ABCD4: variants seen among roughly 807,000 people sequenced by gnomAD.
The protein encoded by ABCD4 is lysosomal cobalamin transporter ABCD4.
In ABCD4, 53 loss-of-function variants were observed where a neutral mutation model predicts 86.3. That is an observed-to-expected ratio of 0.61 (90% CI 0.49 to 0.77). The LOEUF (loss-of-function observed/expected upper bound fraction) is 0.77, where lower values mean the gene tolerates loss of function less well. Ranked by LOEUF, ABCD4 falls within the 30% of genes least tolerant of loss-of-function variation. The pLI is 0.00. For synonymous variants in ABCD4, 328 were observed against 313.6 expected, an observed-to-expected ratio of 1.05 and a Z score of -0.49; for missense variants, 757 against 764.5, an observed-to-expected ratio of 0.99 and a Z score of 0.12.
intron 18 of ABCD4, 54 bp downstream of exon 18, chr14:74,286,647 G>C (rs761340065): frequency 1.9e-6 from 3 of 1,613,052 alleles, no homozygotes; most frequent in Non-Finnish European, 2.5e-6. Flanking sequence ...CCCTGGCCAG[G>C]CTGAGCCTTT....
chr14:74,289,198 G>A, intron 14 of ABCD4: 3 of 1,285,382 alleles, frequency 2.3e-6, no homozygotes, highest in Non-Finnish European at 2.9e-6. Context: ...GCTGGGCGAA[G>A]GCTTTGAAAC....
At chr14:74,301,665 G>A (rs1391513551) in intron 1 of ABCD4, among the ~76,000 whole-genome samples, 1 of 145,168 alleles carries the variant, frequency 6.9e-6, no homozygotes, top group African/African-American at 2.6e-5. Flanking sequence ...CCTGCACTTC[G>A]GGAGGCCGAG....
chr14:74,297,606 T>G (rs1193902503), intron 4 of ABCD4: 2 of 578,980 alleles, frequency 3.5e-6, no homozygotes, highest in African/African-American at 4.0e-5. Context: ...TTGCCCAGGC[T>G]AGAGTACAGT....
intron 13 of ABCD4, 135 bp from the exon 14 acceptor site, chr14:74,289,654 G>A (rs2080915390): frequency 6.8e-7 from 1 of 1,479,800 alleles, no homozygotes. Context: ...GGGTCAGATG[G>A]GAGAGGCTCT....
chr14:74,288,357 C>T (rs1010676686), intron 15 of ABCD4, 98 bp from the exon 16 acceptor site: 16 of 1,212,930 alleles, frequency 1.3e-5, no homozygotes, highest in South Asian at 9.8e-5. Context: ...ACACACACAC[C>T]TCTAAGACAA....
In ABCD4 at chr14:74,302,933, C is replaced by G. The variant is rs940574037; in HGVS notation, c.-21G>C. The G allele has an allele frequency of 1.9e-6, 3 of 1,606,720 alleles. No homozygotes were observed. The African/African-American group carries it at 4.0e-5, about 22-fold the overall frequency. ...GCCATGACCTGAGACCCGAGGGACT[C>G]TGGAGCCCAGCTGCCCCTAGTTCAG... On this transcript the variant is annotated 5_prime_UTR_variant, in exon 1 of 19. Transcript: ENST00000356924.
intron 11 of ABCD4, among the ~76,000 whole-genome samples, chr14:74,290,704 T>A (rs2081274519): frequency 6.8e-6 from 1 of 146,344 alleles, no homozygotes; most frequent in Non-Finnish European, 1.5e-5. Flanking sequence ...TTTTTTTTTT[T>A]GAGAGAAAGT....
At chr14:74,291,407 A>C (rs1484010093) in intron 11 of ABCD4, among the ~76,000 whole-genome samples, 2 of 152,202 alleles carry the variant, frequency 1.3e-5, no homozygotes, top group Admixed American at 1.3e-4. Flanking sequence ...GTGGCTAAGT[A>C]ACTGCCCAGG....
chr14:74,288,272 CAG>C lies in ABCD4; in HGVS notation c.1507-15_1507-14del. Reference sequence around the variant, plus strand: ...CCACCAAGTTGGACTGTAACAGACCCAGAGGGCAGGATGTCCATGAAATGGCC... The same window carrying C: ...CCACCAAGTTGGACTGTAACAGACCCAGGGCAGGATGTCCATGAAATGGCC... On this transcript the variant is annotated splice_polypyrimidine_tract_variant and intron_variant, in intron 15 of 18. Transcript: ENST00000356924. 6.2e-7 allele frequency: 1 copy of C among 1,603,676 alleles called. No individual in the cohort carries two copies. Among genetic ancestry groups the C allele is most frequent in the Non-Finnish European group, 8.5e-7 (1 of 1,174,826 alleles).
chr14:74,288,029 C>G, intron 16 of ABCD4, 143 bp from the exon 17 acceptor site: 4 of 1,041,426 alleles, frequency 3.8e-6, no homozygotes, highest in Non-Finnish European at 4.3e-6. Flanking sequence ...GACCATAGGC[C>G]TACAGCCCTC....
intron 16 of ABCD4, 126 bp from the exon 17 acceptor site, chr14:74,288,012 CCCTTT>C: frequency 2.7e-6 from 3 of 1,091,280 alleles, no homozygotes; most frequent in Non-Finnish European, 4.1e-6. Flanking sequence ...GAAGCCCCTT[CCCTTT>C]CGACCATAGG....
At chr14:74,296,482 G>C in intron 4 of ABCD4, 33 bp from the exon 5 acceptor site, 2 of 1,595,460 alleles carry the variant, frequency 1.3e-6, no homozygotes, top group Non-Finnish European at 1.7e-6. Context: ...GCTGGACCCA[G>C]GGAGATGGGC....
Position 74,292,580 on chromosome 14 carries a change from C to G in ABCD4, c.999G>C (p.Thr333=), listed in dbSNP as rs545199551. The change falls in exon 10 of 19, where the codon ACG becomes ACC. Residue 333 remains threonine, a synonymous_variant. Transcript: ENST00000356924. ...CFTQLIDLST[T]LSDVAGYTHR... ...GCGTGTAGCCAGCCACATCTGAGAGCGTCGTGGACAGGTCGATGAGCTGGG... is the reference window on the plus strand; with the variant it reads ...GCGTGTAGCCAGCCACATCTGAGAGGGTCGTGGACAGGTCGATGAGCTGGG... 3.7e-6 allele frequency: 6 copies of G among 1,613,912 alleles called. No individual in the cohort carries two copies. Among genetic ancestry groups the G allele is most frequent in the African/African-American group, 1.3e-5 (1 of 74,906 alleles).
At chr14:74,301,095 C>A (rs2084341864) in intron 1 of ABCD4, among the ~76,000 whole-genome samples, 2 of 151,814 alleles carry the variant, frequency 1.3e-5, no homozygotes, top group South Asian at 4.1e-4. Context: ...CTCCGGTGAT[C>A]CACCTGCCTC....
In ABCD4 at chr14:74,289,318, G is replaced by A. The variant is rs1380427514; in HGVS notation, c.1456+165C>T. On this transcript the variant is annotated intron_variant, in intron 14 of 18. Coordinates refer to ENST00000356924, the MANE Select transcript of ABCD4 (RefSeq NM_005050.4). Reference sequence around the variant, plus strand: ...ACAGAAAGAATGAGGTGAGATCTGGGTACAGACCCCAAAACAGTCAAAGGA... The same window carrying A: ...ACAGAAAGAATGAGGTGAGATCTGGATACAGACCCCAAAACAGTCAAAGGA... The A allele has an allele frequency of 8.4e-6, 12 of 1,429,940 alleles. No individual in the cohort carries two copies. The African/African-American group carries it at 1.0e-4, about 12-fold the overall frequency. The allele number at this position is 1,429,940 out of a possible 1,614,324, so 88.6% of individuals were successfully genotyped here.
intron 7 of ABCD4, chr14:74,294,026 A>G (rs1479485165): frequency 6.6e-6 from 1 of 151,984 alleles, no homozygotes; most frequent in Non-Finnish European, 1.5e-5. Flanking sequence ...CTTCATGAGC[A>G]GAGGCTGCAG....
At chr14:74,302,379 T>G (rs996319952) in intron 1 of ABCD4, among the ~76,000 whole-genome samples, 1 of 152,158 alleles carries the variant, frequency 6.6e-6, no homozygotes, top group Non-Finnish European at 1.5e-5. Flanking sequence ...TCGAAACCGC[T>G]ATATAGATTT....
intron 11 of ABCD4, among the ~76,000 whole-genome samples, chr14:74,291,054 A>C (rs1276553058): frequency 6.6e-6 from 1 of 152,100 alleles, no homozygotes. Context: ...GTGTCCTCTT[A>C]AGATAGAGGT....
Position 74,286,710 on chromosome 14 carries a change from G to A in ABCD4, c.1743C>T (p.Ser581=), listed in dbSNP as rs770287341. 1.2e-6 allele frequency: 2 copies of A among 1,614,082 alleles called. No homozygotes were observed. Among genetic ancestry groups the A allele is most frequent in the South Asian group, 1.1e-5 (1 of 91,088 alleles). The change falls in exon 18 of 19, where the codon AGC becomes AGT. Residue 581 remains serine (S), a synonymous_variant. Coordinates refer to ENST00000356924, the MANE Select transcript of ABCD4 (RefSeq NM_005050.4). ...MTFISVGHRQ[S]LEKFHSLVLK... Reference sequence around the variant, plus strand: ...TTGTGAGCACGGGTACCTTCTCAAGGCTCTGCCGATGTCCCACACTGATGA... The same window carrying A: ...TTGTGAGCACGGGTACCTTCTCAAGACTCTGCCGATGTCCCACACTGATGA...
Sources: gnomAD v4.1 joint callset for allele counts (sites outside exome capture counted in the v4.1 genomes callset) on GRCh38, gnomAD v4.1.1 for gene constraint, MANE v1.5 for transcripts, NCBI Gene and HGNC (gene_info 2026-07-23, HGNC 2026-07-21) for gene names.